Variants in EYS observed in about 807,000 individuals in gnomAD.
EYS encodes EGF-like photoreceptor maintenance factor.
EYS carries 250 observed loss-of-function variants against 282.1 expected under a neutral mutation model. The observed-to-expected ratio is 0.89, with a 90% confidence interval of 0.80 to 0.98. The LOEUF (loss-of-function observed/expected upper bound fraction) is 0.98. Ranked by LOEUF, EYS falls within the 50% of genes least tolerant of loss-of-function variation. The pLI, the probability that EYS is intolerant of heterozygous loss-of-function variation, is 0.00. For missense variants in EYS, 4,016 were observed against 3,709.0 expected (o/e 1.08, Z -2.15); for synonymous variants, 1,355 against 1,282.9 (o/e 1.06, Z -1.20).
chr6:65,629,212 C>A (rs1211732652), intron 2 of EYS, among the ~76,000 whole-genome samples: 2 of 152,102 alleles, frequency 1.3e-5, no homozygotes, highest in African/African-American at 4.8e-5. Context: ...AAAATTAAAT[C>A]TAAAGGGAGA....
At chr6:64,023,384 A>T (rs1769284823) in intron 33 of EYS, among the ~76,000 whole-genome samples, 1 of 152,234 alleles carries the variant, frequency 6.6e-6, no homozygotes, top group African/African-American at 2.4e-5. Context: ...TGGGGGTCAT[A>T]TAGTAAATAC....
chr6:64,253,863 T>C (rs376800508), intron 30 of EYS, among the ~76,000 whole-genome samples: 60 of 152,272 alleles, frequency 3.9e-4, no homozygotes, highest in African/African-American at 1.4e-3. Flanking sequence ...GTGATGGGTA[T>C]AGGGCTATCT....
At chr6:65,144,825 T>C (rs1411869348) in intron 12 of EYS, among the ~76,000 whole-genome samples, 1 of 151,404 alleles carries the variant, frequency 6.6e-6, no homozygotes, top group Non-Finnish European at 1.5e-5. Flanking sequence ...AGTGCAGTGG[T>C]GCCATTTTAG....
chr6:64,730,248 C>A (rs1481640723), intron 22 of EYS, among the ~76,000 whole-genome samples: 1 of 152,054 alleles, frequency 6.6e-6, no homozygotes, highest in African/African-American at 2.4e-5. Context: ...TGACACTCTG[C>A]ACAAAGTGAA....
chr6:64,093,316 T>C, intron 31 of EYS, among the ~76,000 whole-genome samples: 2 of 152,186 alleles, frequency 1.3e-5, no homozygotes, highest in Non-Finnish European at 2.9e-5. Flanking sequence ...TTGATGGGGA[T>C]GGCATTGAAT....
intron 2 of EYS, among the ~76,000 whole-genome samples, chr6:65,564,156 A>T (rs1769176343): frequency 6.6e-6 from 1 of 152,186 alleles, no homozygotes; most frequent in Non-Finnish European, 1.5e-5. Flanking sequence ...TTGCGTGCTC[A>T]TAGATAGGAA....
At chr6:65,004,486 G>A (rs1771574114) in intron 13 of EYS, among the ~76,000 whole-genome samples, 1 of 147,584 alleles carries the variant, frequency 6.8e-6, no homozygotes, top group Admixed American at 6.7e-5. Flanking sequence ...GCAGGCAAGG[G>A]CTGGAACTGC....
At chr6:64,833,362 C>G (rs988465459) in intron 19 of EYS, among the ~76,000 whole-genome samples, 3 of 151,930 alleles carry the variant, frequency 2.0e-5, no homozygotes, top group Non-Finnish European at 1.5e-5. Flanking sequence ...AATTTTGCTT[C>G]AGATAAACAA....
intron 2 of EYS, among the ~76,000 whole-genome samples, chr6:65,581,194 C>T (rs773271452): frequency 3.9e-5 from 6 of 151,966 alleles, no homozygotes; most frequent in Non-Finnish European, 8.8e-5. Context: ...TTCATGTACT[C>T]GTCTTCACCC....
chr6:64,746,140 C>T (rs1166854799), intron 22 of EYS, among the ~76,000 whole-genome samples: 1 of 151,728 alleles, frequency 6.6e-6, no homozygotes, highest in African/African-American at 2.4e-5. Context: ...GTTACAAGGG[C>T]AATTAAATTT....
intron 15 of EYS, among the ~76,000 whole-genome samples, chr6:64,921,921 G>A (rs946016195): frequency 7.2e-5 from 11 of 151,992 alleles, no homozygotes; most frequent in Non-Finnish European, 1.2e-4. Flanking sequence ...CACAAAAATA[G>A]TTCTCAGAGT....
chr6:65,018,018 G>A (rs1583402745), intron 13 of EYS, among the ~76,000 whole-genome samples: 1 of 152,092 alleles, frequency 6.6e-6, no homozygotes, highest in Non-Finnish European at 1.5e-5. Flanking sequence ...CTAATGACAG[G>A]TGAATTTATG....
intron 26 of EYS, among the ~76,000 whole-genome samples, chr6:64,452,714 A>G (rs1775404168): frequency 6.6e-6 from 1 of 152,192 alleles, no homozygotes; most frequent in Admixed American, 6.5e-5. Context: ...GCATATCTAC[A>G]ACCATCTGAT....
At chr6:65,048,655 T>G (rs1773176687) in intron 13 of EYS, among the ~76,000 whole-genome samples, 1 of 151,894 alleles carries the variant, frequency 6.6e-6, no homozygotes, top group Non-Finnish European at 1.5e-5. Flanking sequence ...GAAACCTTGA[T>G]TTTAATAATT....
chr6:63,851,670 C>T (rs2149703247), intron 36 of EYS, among the ~76,000 whole-genome samples: 1 of 152,266 alleles, frequency 6.6e-6, no homozygotes, highest in Non-Finnish European at 1.5e-5. Context: ...ACAGCCAAAG[C>T]AGTGTTTAGA....
At chr6:64,904,916 A>G (rs566679639) in intron 16 of EYS, among the ~76,000 whole-genome samples, 1 of 152,342 alleles carries the variant, frequency 6.6e-6, no homozygotes, top group African/African-American at 2.4e-5. Flanking sequence ...GATTGCCGAA[A>G]TGCAGCAGAC....
At chr6:64,372,128 G>GTTTT (rs1772393641) in intron 29 of EYS, among the ~76,000 whole-genome samples, 1 of 75,960 alleles carries the variant, frequency 1.3e-5, no homozygotes, top group African/African-American at 7.6e-5. Context: ...CTGTATACTT[G>GTTTT]TGTTTTTTTT....
intron 7 of EYS, among the ~76,000 whole-genome samples, chr6:65,392,410 G>A (rs554898890): frequency 3.0e-4 from 46 of 152,070 alleles, no homozygotes; most frequent in Non-Finnish European, 5.4e-4. Context: ...GAAAATTTTC[G>A]CAATCTACTC....
intron 31 of EYS, among the ~76,000 whole-genome samples, chr6:64,109,521 C>T (rs915948972): frequency 1.3e-5 from 2 of 152,048 alleles, no homozygotes; most frequent in Non-Finnish European, 2.9e-5. Flanking sequence ...CAAGTTATCT[C>T]ATGCACTGGA....
Sources: gnomAD v4.1 joint callset for allele counts (sites outside exome capture counted in the v4.1 genomes callset) on GRCh38, gnomAD v4.1.1 for gene constraint, MANE v1.5 for transcripts, NCBI Gene and HGNC (gene_info 2026-07-23, HGNC 2026-07-21) for gene names.